Variants in MAP3K3 observed in about 807,000 individuals in gnomAD.
The protein encoded by MAP3K3 is MAP/ERK kinase kinase 3.
A neutral mutation model predicts 80.9 loss-of-function variants in MAP3K3; 12 were observed. The observed-to-expected ratio is 0.15, with a 90% CI of 0.10 to 0.24. The LOEUF is 0.24. Ranked by LOEUF, MAP3K3 falls within the 10% of genes least tolerant of loss-of-function variation. The pLI is 1.00. For missense variants in MAP3K3, 596 were observed against 834.7 expected, an observed-to-expected ratio of 0.71 and a Z score of 3.52; for synonymous variants, 272 against 307.1, an observed-to-expected ratio of 0.89 and a Z score of 1.19.
intron 6 of MAP3K3, among the ~76,000 whole-genome samples, chr17:63,674,363 G>A (rs2035173498): frequency 6.6e-6 from 1 of 152,034 alleles, no homozygotes; most frequent in Non-Finnish European, 1.5e-5. Context: ...CCAGGAGTTC[G>A]AAACCAGCCC....
intron 2 of MAP3K3, among the ~76,000 whole-genome samples, chr17:63,635,623 G>A (rs2034307138): frequency 6.6e-6 from 1 of 152,196 alleles, no homozygotes; most frequent in South Asian, 2.1e-4. Flanking sequence ...GAAGATGTTG[G>A]GGAGAGGTAT....
chr17:63,680,807 T>TG (rs921758707), intron 6 of MAP3K3, among the ~76,000 whole-genome samples: 1 of 151,780 alleles, frequency 6.6e-6, no homozygotes, highest in African/African-American at 2.4e-5. Context: ...TTTTGGGTTT[T>TG]TTTTTTTTTT....
In MAP3K3 at chr17:63,692,915, G is replaced by A. The variant is rs1456839659; in HGVS notation, c.1652+496G>A. Among the ~76,000 whole-genome samples, 1 of 152,200 alleles carries A rather than the reference G, an allele frequency of 6.6e-6. No homozygotes were observed. Among genetic ancestry groups the A allele is most frequent in the Non-Finnish European group, 1.5e-5 (1 of 68,036 alleles). On this transcript the variant is annotated intron_variant, in intron 15 of 15. Coordinates refer to ENST00000361733, the MANE Select transcript of MAP3K3 (RefSeq NM_002401.5). The surrounding 1 kb of genome is among the most constrained non-coding windows in gnomAD (Gnocchi z 4.5). ...GGATCTGTAAATGTGATTGTATATA[G>A]CAAAGGGCCTTTGCAGATAGGATTA...
intron 2 of MAP3K3, among the ~76,000 whole-genome samples, chr17:63,639,602 C>G (rs1435354438): frequency 5.9e-5 from 9 of 152,096 alleles, no homozygotes; most frequent in Non-Finnish European, 1.5e-5. Context: ...AAATGGGGAG[C>G]TGAAATGTAT....
rs760456916 is a variant in MAP3K3, at chr17:63,681,842, G to T, written c.579G>T (p.Gly193=). ...GGCAGCAGCACATTGCCCGGCAGGGGTCCTACACCAGCATCAACAGTGAGG... is the reference window on the plus strand; with the variant it reads ...GGCAGCAGCACATTGCCCGGCAGGGTTCCTACACCAGCATCAACAGTGAGG... ...PERQQHIARQ[G]SYTSINSEGE... The change falls in exon 7 of 16, where the codon GGG becomes GGT. Residue 193 remains glycine, a synonymous_variant. Coordinates refer to ENST00000361733, the MANE Select transcript of MAP3K3 (RefSeq NM_002401.5). 2.6e-6 allele frequency: 4 copies of T among 1,549,964 alleles called. No individual in the cohort carries two copies. Among genetic ancestry groups the T allele is most frequent in the Non-Finnish European group, 3.5e-6 (4 of 1,144,096 alleles).
At position 63,689,413 on chromosome 17, in the gene MAP3K3, C is replaced by T. The variant is rs906936491; in HGVS notation, c.872-131C>T. On this transcript the variant is annotated intron_variant, in intron 10 of 15. Coordinates refer to ENST00000361733, the MANE Select transcript of MAP3K3 (RefSeq NM_002401.5). This position sits in a 1 kb window ranked among gnomAD's most constrained non-coding sequence, Gnocchi z 4.3. Reference sequence around the variant, plus strand: ...CGGGATGGGCTGGAGCTGGTATTATCTATCACTTCTGGCTGAGACCTGGTT... The same window carrying T: ...CGGGATGGGCTGGAGCTGGTATTATTTATCACTTCTGGCTGAGACCTGGTT... 1 of 714,876 alleles carries T rather than the reference C, an allele frequency of 1.4e-6. No individual in the cohort carries two copies. Among genetic ancestry groups the T allele is most frequent in the African/African-American group, 1.8e-5 (1 of 56,138 alleles). 44.3% of individuals were successfully genotyped at this position (714,876 alleles called of 1,614,324 possible).
intron 5 of MAP3K3, among the ~76,000 whole-genome samples, chr17:63,666,406 G>A (rs1381980775): frequency 6.6e-6 from 1 of 152,140 alleles, no homozygotes; most frequent in African/African-American, 2.4e-5. Flanking sequence ...GGCTGAGGTG[G>A]GAGGATCCCT....
intron 7 of MAP3K3, among the ~76,000 whole-genome samples, chr17:63,683,245 T>C (rs1321983334): frequency 6.6e-6 from 1 of 152,240 alleles, no homozygotes; most frequent in East Asian, 1.9e-4. Context: ...CCCTTTGTAC[T>C]CTTCTTCCTT....
At chr17:63,653,281 C>T (rs2034696460) in intron 4 of MAP3K3, among the ~76,000 whole-genome samples, 1 of 152,198 alleles carries the variant, frequency 6.6e-6, no homozygotes, top group Non-Finnish European at 1.5e-5. Flanking sequence ...ATATTACAGA[C>T]TACAATCAGC....
chr17:63,679,319 A>G (rs539889622), intron 6 of MAP3K3, among the ~76,000 whole-genome samples: 4 of 152,230 alleles, frequency 2.6e-5, no homozygotes, highest in Admixed American at 2.6e-4. Flanking sequence ...TCTCTGGCTC[A>G]GGGAGTTTGT....
intron 6 of MAP3K3, among the ~76,000 whole-genome samples, chr17:63,678,536 G>A (rs553239659): frequency 2.0e-4 from 31 of 152,306 alleles, no homozygotes; most frequent in Middle Eastern, 3.4e-3. Context: ...CTGGAGTCAG[G>A]TGGGGAGGCC....
At chr17:63,683,993 CA>C (rs879856434) in intron 7 of MAP3K3, among the ~76,000 whole-genome samples, 184 of 141,880 alleles carry the variant, frequency 1.3e-3, no homozygotes, top group African/African-American at 4.0e-3. Context: ...CCTGTCTCTA[CA>C]AAAAAAAAAA....
At chr17:63,665,187 C>T (rs2034975522) in intron 5 of MAP3K3, among the ~76,000 whole-genome samples, 1 of 151,956 alleles carries the variant, frequency 6.6e-6, no homozygotes, top group Non-Finnish European at 1.5e-5. Context: ...GCCTGTAATC[C>T]CAGCTACTCG....
At chr17:63,643,354 T>G (rs1006357617) in intron 2 of MAP3K3, among the ~76,000 whole-genome samples, 11 of 151,778 alleles carry the variant, frequency 7.2e-5, no homozygotes, top group Non-Finnish European at 1.5e-5. Context: ...AAGTTACAAA[T>G]TAGCCCAGTG....
chr17:63,638,564 A>G (rs373025363), intron 2 of MAP3K3, among the ~76,000 whole-genome samples: 5 of 151,918 alleles, frequency 3.3e-5, no homozygotes, highest in Non-Finnish European at 7.4e-5. Context: ...CTGTAGCTCA[A>G]CCCGACAGCC....
chr17:63,629,416 C>T (rs952994204), intron 1 of MAP3K3, among the ~76,000 whole-genome samples: 2 of 152,168 alleles, frequency 1.3e-5, no homozygotes, highest in African/African-American at 4.8e-5. Flanking sequence ...TGAGCCTCTG[C>T]GCCCAGCCTG....
chr17:63,667,797 A>C (rs954957644), intron 6 of MAP3K3, among the ~76,000 whole-genome samples: 1 of 152,060 alleles, frequency 6.6e-6, no homozygotes, highest in African/African-American at 2.4e-5. Flanking sequence ...ATAATTTTCC[A>C]TATATTCTCA....
chr17:63,689,882 C>T lies in MAP3K3; in HGVS notation c.1063+147C>T. 1 of 711,940 alleles carries T rather than the reference C, an allele frequency of 1.4e-6. No homozygotes were observed. Among genetic ancestry groups the T allele is most frequent in the Non-Finnish European group, 2.3e-6 (1 of 439,424 alleles). The allele number at this position is 711,940 out of a possible 1,614,324, so 44.1% of individuals were successfully genotyped here. A position where few individuals can be genotyped will look rare whatever the true frequency, so the allele number is the denominator to read the frequency against. On this transcript the variant is annotated intron_variant, in intron 11 of 15. Coordinates refer to ENST00000361733, the MANE Select transcript of MAP3K3 (RefSeq NM_002401.5). The surrounding 1 kb of genome is among the most constrained non-coding windows in gnomAD (Gnocchi z 4.3). ...CCACATGGGATAAGCCTTGGAGTGT[C>T]TGAAGCCTGGCTCCACTATTGTGTG...
chr17:63,692,462 A>G lies in MAP3K3; in HGVS notation c.1652+43A>G. The G allele has an allele frequency of 1.9e-6, 3 of 1,552,688 alleles. No individual in the cohort carries two copies. The highest frequency in any genetic ancestry group is 2.6e-6 in the Non-Finnish European group (3 of 1,149,762). On this transcript the variant is annotated intron_variant, in intron 15 of 15. Transcript: ENST00000361733. The surrounding 1 kb of genome is among the most constrained non-coding windows in gnomAD (Gnocchi z 4.5). ...CAGAACCCATTCTTCCACCCAGGCC[A>G]TAGTGGCCCCCCATTAGAAACACAC...
Sources: allele counts gnomAD v4.1 joint callset (sites outside exome capture counted in the v4.1 genomes callset), GRCh38; gene constraint gnomAD v4.1.1; non-coding constraint Gnocchi (gnomAD v3.1); transcripts MANE v1.5; gene names NCBI Gene and HGNC (gene_info 2026-07-23, HGNC 2026-07-21).